CHCHD3: variants seen among roughly 807,000 people sequenced by gnomAD.
CHCHD3 encodes the protein coiled-coil-helix-coiled-coil-helix domain containing 3.
Under a neutral mutation model 38.2 loss-of-function variants are expected in CHCHD3, and 20 were observed. That is an observed-to-expected ratio of 0.52 (90% confidence interval 0.37 to 0.76). The LOEUF is 0.76. CHCHD3 is among the 30% of genes least tolerant of loss of function. The pLI is 0.00. For synonymous variants in CHCHD3, 82 were observed against 100.0 expected, an observed-to-expected ratio of 0.82 and a Z score of 1.07; for missense variants, 245 against 279.2, an observed-to-expected ratio of 0.88 and a Z score of 0.87.
intron 6 of CHCHD3, among the ~76,000 whole-genome samples, chr7:132,818,231 T>C (rs1807255462): frequency 2.6e-5 from 4 of 152,210 alleles, no homozygotes; most frequent in African/African-American, 9.7e-5. Flanking sequence ...TGCCTGACAA[T>C]AAAAGTTAAC....
intron 4 of CHCHD3, among the ~76,000 whole-genome samples, chr7:132,946,181 T>C (rs901826872): frequency 1.3e-5 from 2 of 151,868 alleles, no homozygotes; most frequent in Non-Finnish European, 2.9e-5. Flanking sequence ...TATGTGTGTG[T>C]GTGTGTGTGT....
chr7:132,965,512 C>G (rs899545686), intron 4 of CHCHD3, among the ~76,000 whole-genome samples: 1 of 151,418 alleles, frequency 6.6e-6, no homozygotes, highest in Non-Finnish European at 1.5e-5. Context: ...TGCTGCTTAT[C>G]AGCAAAGCTC....
At chr7:132,790,096 C>T (rs1029014131) in intron 7 of CHCHD3, among the ~76,000 whole-genome samples, 19 of 152,174 alleles carry the variant, frequency 1.2e-4, no homozygotes, top group African/African-American at 4.3e-4. Context: ...ATTTTGTTTT[C>T]AATATGTGTC....
chr7:132,819,767 G>A (rs145728257), intron 6 of CHCHD3, among the ~76,000 whole-genome samples: 21 of 152,320 alleles, frequency 1.4e-4, no homozygotes, highest in East Asian at 1.2e-3. Flanking sequence ...ATTAACACAT[G>A]AGACAGGTCC....
At chr7:132,820,204 A>G (rs62467022) in intron 6 of CHCHD3, among the ~76,000 whole-genome samples, 22,299 of 152,130 alleles carry the variant, frequency 0.15, 1,724 homozygotes, top group Middle Eastern at 0.19. Context: ...AACCAAACAC[A>G]TAACTTTGGC....
intron 2 of CHCHD3, among the ~76,000 whole-genome samples, chr7:133,055,260 ATAT>A (rs1278632811): frequency 6.8e-6 from 1 of 147,050 alleles, no homozygotes; most frequent in Non-Finnish European, 1.5e-5. Flanking sequence ...ATATACTTAT[ATAT>A]TATAATTAAT....
chr7:132,882,461 CTATATATATATATATATATA>C (rs71178065), intron 5 of CHCHD3, among the ~76,000 whole-genome samples: 1,815 of 134,928 alleles, frequency 0.013, 51 homozygotes, highest in African/African-American at 0.045. Context: ...ACAATATATT[CTATATATATATATATATATA>C]TATATATATA....
intron 5 of CHCHD3, among the ~76,000 whole-genome samples, chr7:132,868,788 A>G (rs1241079212): frequency 2.0e-5 from 3 of 152,146 alleles, no homozygotes; most frequent in African/African-American, 7.2e-5. Flanking sequence ...TTTAACCAGG[A>G]CTATTCACAA....
intron 4 of CHCHD3, among the ~76,000 whole-genome samples, chr7:132,898,088 G>A (rs2117196599): frequency 6.6e-6 from 1 of 152,106 alleles, no homozygotes; most frequent in South Asian, 2.1e-4. Context: ...GGTCTCCCTG[G>A]CTTCAGGAGT....
At chr7:132,885,225 C>T (rs539098909) in intron 5 of CHCHD3, among the ~76,000 whole-genome samples, 1 of 152,084 alleles carries the variant, frequency 6.6e-6, no homozygotes, top group African/African-American at 2.4e-5. Flanking sequence ...AGACTCCAGT[C>T]TGGGCGACAG....
intron 2 of CHCHD3, among the ~76,000 whole-genome samples, chr7:133,028,148 C>T (rs1210063428): frequency 1.3e-5 from 2 of 152,140 alleles, no homozygotes; most frequent in African/African-American, 4.8e-5. Context: ...TATGATTGAT[C>T]ATACCAGTTA....
intron 4 of CHCHD3, among the ~76,000 whole-genome samples, chr7:132,940,547 G>T (rs545062796): frequency 6.6e-6 from 1 of 152,266 alleles, no homozygotes; most frequent in South Asian, 2.1e-4. Flanking sequence ...TTTGTTGTAG[G>T]AATAAACCAT....
At chr7:132,835,549 C>T (rs148675533) in intron 6 of CHCHD3, among the ~76,000 whole-genome samples, 5 of 152,290 alleles carry the variant, frequency 3.3e-5, no homozygotes, top group Admixed American at 1.3e-4. Flanking sequence ...CGTGGCCTCT[C>T]GCACTCCAAA....
rs555580615 is a variant in CHCHD3 at position 133,035,702 on chromosome 7, G to C, written c.170-11075C>G. ...CATTGCTCACATAGTAGGCAATGGC[G>C]TTGCTCTCAAACACACAGAATCCAT... On this transcript the variant is annotated intron_variant, in intron 2 of 7. Coordinates refer to ENST00000262570, the MANE Select transcript of CHCHD3 (RefSeq NM_017812.4). This position sits in a 1 kb window ranked among gnomAD's most constrained non-coding sequence, Gnocchi z 4.7. The C allele has an allele frequency of 6.8e-6, 11 of 1,613,236 alleles. No homozygotes were observed. Among genetic ancestry groups the C allele is most frequent in the African/African-American group, 1.3e-5 (1 of 74,908 alleles).
At chr7:132,811,331 A>C (rs2117051647) in intron 6 of CHCHD3, among the ~76,000 whole-genome samples, 1 of 152,368 alleles carries the variant, frequency 6.6e-6, no homozygotes, top group South Asian at 2.1e-4. Flanking sequence ...TCAGTGATGG[A>C]AATGTACTAA....
rs189832307 is a variant in CHCHD3, at chr7:133,002,054, T to C, written c.251+22492A>G. Among the ~76,000 whole-genome samples, 730 of 152,230 alleles carry C rather than the reference T, an allele frequency of 4.8e-3. 7 individuals are homozygous for C. The highest frequency in any genetic ancestry group is 0.017 in the African/African-American group (698 of 41,548). ...AGGTATCTGAGCCCTCAAGAAGTTA[T>C]GTAATTTACTAAGTGGTCTCAGAAC... On this transcript the variant is annotated intron_variant, in intron 3 of 7. Transcript: ENST00000262570.
At chr7:132,991,747 T>G (rs1438574097) in intron 3 of CHCHD3, among the ~76,000 whole-genome samples, 5 of 149,724 alleles carry the variant, frequency 3.3e-5, no homozygotes, top group African/African-American at 1.2e-4. Context: ...AAACTCTTAG[T>G]TTTTTTTTTC....
intron 2 of CHCHD3, among the ~76,000 whole-genome samples, chr7:133,044,734 G>T (rs765621212): frequency 6.6e-6 from 1 of 152,276 alleles, no homozygotes; most frequent in Non-Finnish European, 1.5e-5. Flanking sequence ...GCTGGAAAGA[G>T]TCAAGGGAGA....
At chr7:132,796,843 C>T (rs1392030382) in intron 6 of CHCHD3, among the ~76,000 whole-genome samples, 1 of 152,198 alleles carries the variant, frequency 6.6e-6, no homozygotes, top group Non-Finnish European at 1.5e-5. Context: ...CCCTTCCAAA[C>T]CGAAACCATA....
Sources: gnomAD v4.1 joint callset for allele counts (sites outside exome capture counted in the v4.1 genomes callset) on GRCh38, gnomAD v4.1.1 for gene constraint, Gnocchi (gnomAD v3.1) non-coding constraint, MANE v1.5 for transcripts, NCBI Gene and HGNC (gene_info 2026-07-23, HGNC 2026-07-21) for gene names.